KCNQ1: variants seen among roughly 807,000 people sequenced by gnomAD.
KCNQ1 encodes the protein potassium voltage-gated channel subfamily Q member 1, also known as potassium voltage-gated channel subfamily KQT member 1.
KCNQ1 carries 49 observed loss-of-function variants against 72.4 expected under a neutral mutation model. The ratio of observed to expected loss-of-function variants is 0.68; its 90% CI spans 0.54 to 0.86. The LOEUF is 0.86. Among genes scored for constraint, KCNQ1 ranks in the 40% least tolerant of loss-of-function variants. The pLI, the probability that KCNQ1 is intolerant of heterozygous loss-of-function variation, is 0.00. For missense variants in KCNQ1, 790 were observed against 945.1 expected, an observed-to-expected ratio of 0.84 and a Z score of 2.15; for synonymous variants, 450 against 412.6, an observed-to-expected ratio of 1.09 and a Z score of -1.10.
intron 2 of KCNQ1, among the ~76,000 whole-genome samples, chr11:2,540,758 A>G (rs905113870): frequency 5.3e-5 from 8 of 152,122 alleles, no homozygotes; most frequent in African/African-American, 1.7e-4. Flanking sequence ...TAGGGTGGCA[A>G]TGGGAGGCAG....
Position 2,566,417 on chromosome 11 carries a change from C to T in KCNQ1, c.478-4211C>T, listed in dbSNP as rs753434602. Among the ~76,000 whole-genome samples the T allele has an allele frequency of 7.2e-5, 11 of 152,202 alleles. No individual in the cohort carries two copies. Among genetic ancestry groups the T allele is most frequent in the Admixed American group, 2.0e-4 (3 of 15,294 alleles). ...GGCTCTCTCTGCCATGGACGCCAGT[C>T]TTCCCTCCCCTAAGCTGCGGGTGAC... On this transcript the variant is annotated intron_variant, in intron 2 of 15. Transcript: ENST00000155840. This position sits in a 1 kb window ranked among gnomAD's most constrained non-coding sequence, Gnocchi z 6.7.
At chr11:2,585,138 T>C (rs758843735) in intron 7 of KCNQ1, 74 bp from the exon 8 acceptor site, 16 of 1,343,132 alleles carry the variant, frequency 1.2e-5, no homozygotes, top group Non-Finnish European at 1.7e-5. Context: ...CGGTGACCGG[T>C]AACCACGTCC....
chr11:2,749,126 G>T (rs1471129230), intron 11 of KCNQ1, among the ~76,000 whole-genome samples: 1 of 152,206 alleles, frequency 6.6e-6, no homozygotes, highest in African/African-American at 2.4e-5. Context: ...GGAGGCTCAG[G>T]CCAGGCCAAA....
In KCNQ1 at chr11:2,706,713, T is replaced by C. The variant is rs1324640379; in HGVS notation, c.1514+44632T>C. On this transcript the variant is annotated intron_variant, in intron 11 of 15. Coordinates refer to ENST00000155840, the MANE Select transcript of KCNQ1 (RefSeq NM_000218.3). ...GTGGCTCCCAGGAGAAAGAGTACTG[T>C]GCCCAGGTAGCATGCCCACCCCAGG... is the stretch of plus-strand genomic sequence containing the variant. 2.6e-5 allele frequency among the ~76,000 whole-genome samples: 4 copies of C among 152,226 alleles called. No individual in the cohort carries two copies. In the East Asian group the frequency reaches 7.7e-4, roughly 29 times the overall value.
In KCNQ1 at chr11:2,715,824, G is replaced by A. The variant is rs1851083265; in HGVS notation, c.1515-53020G>A. Among the ~76,000 whole-genome samples the A allele has an allele frequency of 6.6e-6, 1 of 152,244 alleles. No homozygotes were observed. The highest frequency in any genetic ancestry group is 1.5e-5 in the Non-Finnish European group (1 of 68,046). On this transcript the variant is annotated intron_variant, in intron 11 of 15. Coordinates refer to ENST00000155840, the MANE Select transcript of KCNQ1 (RefSeq NM_000218.3). The surrounding 1 kb of genome is among the most constrained non-coding windows in gnomAD (Gnocchi z 4.9). ...GCATCCCACATCCCCGCAGCCTTGC[G>A]CTGGTCTAAATGCCTCCCAGCCTCC... is the stretch of plus-strand genomic sequence containing the variant.
At position 2,493,580 on chromosome 11, in the gene KCNQ1, T is replaced by C. The variant is rs1846868046; in HGVS notation, c.387-34348T>C. On this transcript the variant is annotated intron_variant, in intron 1 of 15. Coordinates refer to ENST00000155840, the MANE Select transcript of KCNQ1 (RefSeq NM_000218.3). The surrounding 1 kb of genome is among the most constrained non-coding windows in gnomAD (Gnocchi z 5.3). Reference sequence around the variant, plus strand: ...GTTTTCTGCATATGACTAGCCAGTTTTCCCAGCACCATTTATTAAATAGAG... The same window carrying C: ...GTTTTCTGCATATGACTAGCCAGTTCTCCCAGCACCATTTATTAAATAGAG... Among the ~76,000 whole-genome samples, 1 of 152,352 alleles carries C rather than the reference T, an allele frequency of 6.6e-6. No individual in the cohort carries two copies. Among genetic ancestry groups the C allele is most frequent in the African/African-American group, 2.4e-5 (1 of 41,580 alleles).
chr11:2,453,759 G>A (rs1276222670), intron 1 of KCNQ1, among the ~76,000 whole-genome samples: 1 of 152,218 alleles, frequency 6.6e-6, no homozygotes, highest in African/African-American at 2.4e-5. Flanking sequence ...GAACCTACCT[G>A]AAGGCACTGG....
chr11:2,576,374 G>A (rs868166322), intron 6 of KCNQ1, among the ~76,000 whole-genome samples: 7 of 152,228 alleles, frequency 4.6e-5, no homozygotes, highest in African/African-American at 1.7e-4. Context: ...CTGCCAAGGC[G>A]TTTGGGGAGA....
In KCNQ1 at chr11:2,611,738, C is replaced by T. The variant is rs1201700789; in HGVS notation, c.1393+22884C>T. ...ATTATTGATATGGAAGGATTTATATCTACCATGTTGTTATTTATTTTCTAT... is the reference window on the plus strand; with the variant it reads ...ATTATTGATATGGAAGGATTTATATTTACCATGTTGTTATTTATTTTCTAT... On this transcript the variant is annotated intron_variant, in intron 10 of 15. Transcript: ENST00000155840. The surrounding 1 kb of genome is among the most constrained non-coding windows in gnomAD (Gnocchi z 5.3). The T allele has an allele frequency of 2.5e-6, 1 of 398,296 alleles. No individual in the cohort carries two copies. Among genetic ancestry groups the T allele is most frequent in the African/African-American group, 2.1e-5 (1 of 48,598 alleles). 24.7% of individuals were successfully genotyped at this position (398,296 alleles called of 1,614,324 possible).
At chr11:2,804,053 G>C (rs1847328258) in intron 15 of KCNQ1, among the ~76,000 whole-genome samples, 1 of 152,194 alleles carries the variant, frequency 6.6e-6, no homozygotes, top group Admixed American at 6.5e-5. Context: ...ACCACACGGG[G>C]AGGAGCCTGG....
chr11:2,696,100 C>T, intron 11 of KCNQ1: 3 of 398,606 alleles, frequency 7.5e-6, no homozygotes, highest in Non-Finnish European at 1.3e-5. Flanking sequence ...AACAGAAATC[C>T]TTAATCCATA....
At chr11:2,699,787 C>T in intron 11 of KCNQ1, 1 of 397,054 alleles carries the variant, frequency 2.5e-6, no homozygotes. Flanking sequence ...AGGAGAACCG[C>T]GCCGAGGGGC....
rs1564811904 is a variant in KCNQ1 at position 2,544,262 on chromosome 11, G to GTATATA, written c.477+16245_477+16246insATATAT. On this transcript the variant is annotated intron_variant, in intron 2 of 15. Transcript: ENST00000155840. The surrounding 1 kb of genome is among the most constrained non-coding windows in gnomAD (Gnocchi z 4.4). ...TGTGTGTGTGTGTATATATATATGT[G>GTATATA]TGTGTGTGTATATATATGTGTATAT... Among the ~76,000 whole-genome samples, 174 of 92,826 alleles carry GTATATA rather than the reference G, an allele frequency of 1.9e-3. 9 individuals are homozygous for GTATATA. Among genetic ancestry groups the GTATATA allele is most frequent in the African/African-American group, 0.011 (171 of 16,146 alleles). 60.9% of individuals were successfully genotyped at this position (92,826 alleles called of 152,430 possible).
chr11:2,533,519 C>T (rs749995779), intron 2 of KCNQ1, among the ~76,000 whole-genome samples: 5 of 152,246 alleles, frequency 3.3e-5, no homozygotes, highest in African/African-American at 7.2e-5. Flanking sequence ...TCTGTGTACC[C>T]ATGTCTGTGG....
chr11:2,582,104 G>A (rs1006364653), intron 6 of KCNQ1, among the ~76,000 whole-genome samples: 9 of 152,224 alleles, frequency 5.9e-5, no homozygotes, highest in East Asian at 1.9e-4. Flanking sequence ...ATCACTGTTC[G>A]TTAACGTGCT....
At chr11:2,490,311 T>C (rs1846814050) in intron 1 of KCNQ1, among the ~76,000 whole-genome samples, 1 of 152,258 alleles carries the variant, frequency 6.6e-6, no homozygotes, top group Non-Finnish European at 1.5e-5. Context: ...CCCTTGCTCC[T>C]GGATGGCATC....
In KCNQ1 at chr11:2,767,880, C is replaced by T. The variant is rs1368323810; in HGVS notation, c.1515-964C>T. On this transcript the variant is annotated intron_variant, in intron 11 of 15. Coordinates refer to ENST00000155840, the MANE Select transcript of KCNQ1 (RefSeq NM_000218.3). This position sits in a 1 kb window ranked among gnomAD's most constrained non-coding sequence, Gnocchi z 4.6. ...CTAGAGGACCAGAATCTTTTTCCCT[C>T]GTGTCCTGGCTGTCCTGTGGCCCTG... is the stretch of plus-strand genomic sequence containing the variant. 6.6e-6 allele frequency among the ~76,000 whole-genome samples: 1 copy of T among 152,230 alleles called. No homozygotes were observed. Among genetic ancestry groups the T allele is most frequent in the Non-Finnish European group, 1.5e-5 (1 of 68,046 alleles).
chr11:2,622,431 T>A, intron 10 of KCNQ1: 1 of 398,396 alleles, frequency 2.5e-6, no homozygotes, highest in Non-Finnish European at 4.4e-6. Context: ...TCAATCTACT[T>A]GTGTCTTTAG....
At chr11:2,788,897 G>A (rs545436657) in intron 15 of KCNQ1, among the ~76,000 whole-genome samples, 17 of 152,268 alleles carry the variant, frequency 1.1e-4, no homozygotes, top group African/African-American at 4.1e-4. Flanking sequence ...TGTCTGCCAG[G>A]GAGTCCCTGT....
Sources: gnomAD v4.1 joint callset for allele counts (sites outside exome capture counted in the v4.1 genomes callset) on GRCh38, gnomAD v4.1.1 for gene constraint, Gnocchi (gnomAD v3.1) non-coding constraint, MANE v1.5 for transcripts, NCBI Gene and HGNC (gene_info 2026-07-23, HGNC 2026-07-21) for gene names.